The following CNTNAP2 variants were observed in gnomAD, a reference collection of about 807,000 sequenced individuals.
CNTNAP2 encodes the protein contactin associated protein 2.
In CNTNAP2, 98 loss-of-function variants were observed where a neutral mutation model predicts 155.2. That is an observed-to-expected ratio of 0.63 (90% confidence interval 0.54 to 0.75). The LOEUF is 0.75. CNTNAP2 is among the 30% of genes least tolerant of loss of function. The pLI, the probability that CNTNAP2 is intolerant of heterozygous loss-of-function variation, is 0.00. For synonymous variants in CNTNAP2, 651 were observed against 631.2 expected, an observed-to-expected ratio of 1.03 and a Z score of -0.47; for missense variants, 1,727 against 1,688.1, an observed-to-expected ratio of 1.02 and a Z score of -0.40.
chr7:146,169,916 C>T lies in CNTNAP2; in HGVS notation c.97+52943C>T, dbSNP rs188131663. 5.0e-3 allele frequency among the ~76,000 whole-genome samples: 757 copies of T among 151,738 alleles called. 1 individual carries two copies. The highest frequency in any genetic ancestry group is 8.0e-3 in the Non-Finnish European group (541 of 67,942). ...ATCTTAGCTACTGTGAATAACGCTG[C>T]AATGAATGTAGCAATGCAGGTATCA... On this transcript the variant is annotated intron_variant, in intron 1 of 23. Transcript: ENST00000361727.
intron 1 of CNTNAP2, among the ~76,000 whole-genome samples, chr7:146,443,005 G>C (rs1259872947): frequency 6.6e-6 from 1 of 151,708 alleles, no homozygotes; most frequent in Non-Finnish European, 1.5e-5. Flanking sequence ...AGGAAATCGA[G>C]ACAATCCTGG....
At chr7:147,159,108 T>C (rs2116449817) in intron 8 of CNTNAP2, among the ~76,000 whole-genome samples, 1 of 152,138 alleles carries the variant, frequency 6.6e-6, no homozygotes, top group East Asian at 1.9e-4. Context: ...ATTGACAAGG[T>C]ATGAAACTGC....
chr7:147,515,192 T>G (rs1434568532), intron 11 of CNTNAP2, among the ~76,000 whole-genome samples: 3 of 152,074 alleles, frequency 2.0e-5, no homozygotes, highest in South Asian at 2.1e-4. Context: ...ATCAACTCCA[T>G]CCAGTCATTG....
At chr7:146,554,576 T>C (rs1211543699) in intron 1 of CNTNAP2, among the ~76,000 whole-genome samples, 1 of 152,248 alleles carries the variant, frequency 6.6e-6, no homozygotes, top group Non-Finnish European at 1.5e-5. Context: ...TGTTGTGTTA[T>C]ATTGTACATG....
At chr7:148,384,946 TTATTA>T (rs1307024220) in intron 22 of CNTNAP2, among the ~76,000 whole-genome samples, 1 of 152,172 alleles carries the variant, frequency 6.6e-6, no homozygotes, top group African/African-American at 2.4e-5. Context: ...TAATCTAATA[TTATTA>T]TATTAGACAC....
intron 8 of CNTNAP2, among the ~76,000 whole-genome samples, chr7:147,298,126 T>C (rs935212416): frequency 6.6e-6 from 1 of 152,160 alleles, no homozygotes; most frequent in Admixed American, 6.5e-5. Flanking sequence ...GTTTTCTTGA[T>C]TGAAACAAAA....
chr7:147,046,324 A>G (rs1281803462), intron 4 of CNTNAP2, among the ~76,000 whole-genome samples: 1 of 152,208 alleles, frequency 6.6e-6, no homozygotes, highest in African/African-American at 2.4e-5. Flanking sequence ...ACCAAAGATT[A>G]GTTCTTGTTT....
intron 9 of CNTNAP2, among the ~76,000 whole-genome samples, chr7:147,353,925 C>T (rs1327990060): frequency 2.6e-5 from 4 of 151,472 alleles, no homozygotes; most frequent in African/African-American, 9.7e-5. Flanking sequence ...GTTTGTTGGT[C>T]GCAAAAATGT....
chr7:147,237,392 T>G (rs1314860996), intron 8 of CNTNAP2, among the ~76,000 whole-genome samples: 1 of 152,104 alleles, frequency 6.6e-6, no homozygotes, highest in Non-Finnish European at 1.5e-5. Context: ...CCTCTTGAAT[T>G]GTACTCTGGC....
chr7:148,230,475 T>C (rs952065218), intron 20 of CNTNAP2, among the ~76,000 whole-genome samples: 1 of 152,144 alleles, frequency 6.6e-6, no homozygotes, highest in South Asian at 2.1e-4. Flanking sequence ...CACTGCATTC[T>C]CTAGAAGGAG....
rs916634501 is a variant in CNTNAP2 at position 147,340,922 on chromosome 7, C to A, written c.1498+40632C>A. 2.6e-5 allele frequency among the ~76,000 whole-genome samples: 4 copies of A among 151,988 alleles called. No homozygotes were observed. In the South Asian group the frequency reaches 8.3e-4, roughly 32 times the overall value. Reference sequence around the variant, plus strand: ...GTTTCAATGCCTCACTTCCTATGACCTTACTCTCCCCAGCTCTCATCAGCT... The same window carrying A: ...GTTTCAATGCCTCACTTCCTATGACATTACTCTCCCCAGCTCTCATCAGCT... On this transcript the variant is annotated intron_variant, in intron 9 of 23. Transcript: ENST00000361727.
chr7:146,430,162 A>G (rs1796151132), intron 1 of CNTNAP2, among the ~76,000 whole-genome samples: 1 of 147,376 alleles, frequency 6.8e-6, no homozygotes, highest in Non-Finnish European at 1.5e-5. Flanking sequence ...TTCATCAAGG[A>G]TATTTGCCTG....
chr7:146,391,120 A>G (rs1795537440), intron 1 of CNTNAP2, among the ~76,000 whole-genome samples: 1 of 147,782 alleles, frequency 6.8e-6, no homozygotes, highest in Admixed American at 6.8e-5. Context: ...TATATTTAGT[A>G]TATATATTTA....
At chr7:147,309,803 G>A (rs1270523771) in intron 9 of CNTNAP2, among the ~76,000 whole-genome samples, 2 of 151,940 alleles carry the variant, frequency 1.3e-5, no homozygotes, top group Non-Finnish European at 2.9e-5. Context: ...ATGTCTCATG[G>A]GGGTTTGATG....
chr7:146,667,232 G>A (rs972378647), intron 1 of CNTNAP2, among the ~76,000 whole-genome samples: 1 of 151,956 alleles, frequency 6.6e-6, no homozygotes, highest in South Asian at 2.1e-4. Flanking sequence ...ATTTATTGAA[G>A]AGCCTGTCCT....
At chr7:146,596,059 G>A (rs530174531) in intron 1 of CNTNAP2, among the ~76,000 whole-genome samples, 21 of 152,148 alleles carry the variant, frequency 1.4e-4, no homozygotes, top group Admixed American at 2.6e-4. Flanking sequence ...TAAATTAGTA[G>A]TAGGCCAATA....
At chr7:147,030,869 G>A (rs73465298) in intron 3 of CNTNAP2, among the ~76,000 whole-genome samples, 8,815 of 152,084 alleles carry the variant, frequency 0.058, 678 homozygotes, top group African/African-American at 0.18. Flanking sequence ...GGGCTACAGC[G>A]CAAGACCCTG....
At chr7:146,206,310 T>A (rs1041496721) in intron 1 of CNTNAP2, among the ~76,000 whole-genome samples, 2 of 151,840 alleles carry the variant, frequency 1.3e-5, no homozygotes, top group Non-Finnish European at 2.9e-5. Context: ...ACATACTATG[T>A]TGTGCTTAAT....
intron 14 of CNTNAP2, among the ~76,000 whole-genome samples, chr7:147,904,472 T>A (rs1250048700): frequency 2.0e-5 from 3 of 152,182 alleles, no homozygotes; most frequent in African/African-American, 7.2e-5. Flanking sequence ...ACATATCCAG[T>A]GCCGGCTTTC....
Sources: gnomAD v4.1 joint callset for allele counts (sites outside exome capture counted in the v4.1 genomes callset) on GRCh38, gnomAD v4.1.1 for gene constraint, MANE v1.5 for transcripts, NCBI Gene and HGNC (gene_info 2026-07-23, HGNC 2026-07-21) for gene names.